Variants in NBAS observed in about 807,000 individuals in gnomAD.
NBAS encodes the protein NAG/BC035112 fusion.
Under a neutral mutation model 302.5 loss-of-function variants are expected in NBAS, and 219 were observed. The observed-to-expected ratio is 0.72, with a 90% CI of 0.65 to 0.81. The LOEUF (loss-of-function observed/expected upper bound fraction) is 0.81, where lower values mean the gene tolerates loss of function less well. Among genes scored for constraint, NBAS ranks in the 30% least tolerant of loss-of-function variants. NBAS has a pLI of 0.00. For missense variants in NBAS, 2,932 were observed against 2,841.6 expected (o/e 1.03, Z -0.72); for synonymous variants, 1,118 against 1,021.6 (o/e 1.09, Z -1.80).
chr2:15,113,513 C>T, the NBAS span, among the ~76,000 whole-genome samples: 22 of 151,930 alleles, frequency 1.4e-4, no homozygotes, highest in Middle Eastern at 3.2e-3. Context: ...AATTCTGGTA[C>T]GAGAGAGAAT....
chr2:14,824,523 T>C, the NBAS span, among the ~76,000 whole-genome samples: 2 of 152,144 alleles, frequency 1.3e-5, no homozygotes, highest in African/African-American at 2.4e-5. Flanking sequence ...ATCTACACTT[T>C]TGTTATTCAG....
intron 44 of NBAS, among the ~76,000 whole-genome samples, chr2:15,253,253 G>A (rs1055997424): frequency 2.0e-5 from 3 of 152,120 alleles, no homozygotes; most frequent in African/African-American, 7.2e-5. Flanking sequence ...TAGTATATTT[G>A]GGAAAGGAGG....
At chr2:15,372,827 C>T (rs1400239978) in intron 31 of NBAS, among the ~76,000 whole-genome samples, 3 of 152,176 alleles carry the variant, frequency 2.0e-5, no homozygotes, top group African/African-American at 7.2e-5. Flanking sequence ...AGCAAAAAAT[C>T]CTGCTAATTG....
At chr2:15,055,570 A>G in the NBAS span, among the ~76,000 whole-genome samples, 2 of 152,174 alleles carry the variant, frequency 1.3e-5, no homozygotes, top group Non-Finnish European at 2.9e-5. Context: ...TGGTGAGGAA[A>G]GCATCCACAC....
the NBAS span, among the ~76,000 whole-genome samples, chr2:15,106,104 C>T: frequency 6.6e-6 from 1 of 152,070 alleles, no homozygotes; most frequent in African/African-American, 2.4e-5. Context: ...GCCCAATGCA[C>T]AAAATATTAA....
chr2:14,951,905 C>A, the NBAS span, among the ~76,000 whole-genome samples: 1 of 152,164 alleles, frequency 6.6e-6, no homozygotes, highest in Non-Finnish European at 1.5e-5. Context: ...TTCTACAACC[C>A]GGCTGTCTTC....
the NBAS span, among the ~76,000 whole-genome samples, chr2:15,145,820 TG>T: frequency 5.3e-4 from 81 of 152,138 alleles, 1 homozygote; most frequent in African/African-American, 1.9e-3. Context: ...AATTCTGGGG[TG>T]GGGGGCCCAG....
At chr2:14,990,201 T>G in the NBAS span, among the ~76,000 whole-genome samples, 1 of 149,222 alleles carries the variant, frequency 6.7e-6, no homozygotes, top group South Asian at 2.1e-4. Flanking sequence ...ACACCTGAGG[T>G]CAGGAGTTTG....
chr2:15,278,816 T>G (rs1043895602), intron 42 of NBAS, among the ~76,000 whole-genome samples: 1 of 152,138 alleles, frequency 6.6e-6, no homozygotes, highest in Non-Finnish European at 1.5e-5. Flanking sequence ...CTGCAGAAGA[T>G]GTAGAAATCA....
chr2:15,454,192 T>C (rs1041008192), intron 21 of NBAS, among the ~76,000 whole-genome samples: 1 of 152,202 alleles, frequency 6.6e-6, no homozygotes, highest in Non-Finnish European at 1.5e-5. Flanking sequence ...ATACTAACTA[T>C]AATTCAGTAT....
chr2:15,235,027 G>C (rs1162435002), intron 45 of NBAS, among the ~76,000 whole-genome samples: 1 of 152,172 alleles, frequency 6.6e-6, no homozygotes, highest in Non-Finnish European at 1.5e-5. Context: ...CGTGTGAATA[G>C]AGGGTGTTGT....
At chr2:15,470,398 T>G (rs1679907147) in intron 16 of NBAS, among the ~76,000 whole-genome samples, 1 of 152,220 alleles carries the variant, frequency 6.6e-6, no homozygotes, top group Non-Finnish European at 1.5e-5. Flanking sequence ...TTCCCAGTGT[T>G]CACTATTGTC....
chr2:15,440,234 A>T (rs545192415), intron 21 of NBAS, among the ~76,000 whole-genome samples: 1 of 152,324 alleles, frequency 6.6e-6, no homozygotes, highest in South Asian at 2.1e-4. Flanking sequence ...CTGACCCCCG[A>T]GCAGCCTAAC....
the NBAS span, among the ~76,000 whole-genome samples, chr2:15,025,647 G>A: frequency 1.3e-5 from 2 of 151,912 alleles, no homozygotes; most frequent in South Asian, 2.1e-4. Flanking sequence ...CTTGAGCAGT[G>A]GTTTGTAATT....
At chr2:15,361,355 A>T (rs1673914692) in intron 32 of NBAS, among the ~76,000 whole-genome samples, 1 of 152,072 alleles carries the variant, frequency 6.6e-6, no homozygotes, top group South Asian at 2.1e-4. Context: ...TCTACTAAAA[A>T]TACAAAAATT....
intron 29 of NBAS, among the ~76,000 whole-genome samples, chr2:15,380,544 TAACA>T (rs1674983149): frequency 2.7e-5 from 4 of 149,294 alleles, no homozygotes; most frequent in South Asian, 2.1e-4. Context: ...AGTTTTTTAA[TAACA>T]TACATATTAA....
intron 35 of NBAS, 24 bp from the exon 36 acceptor site, chr2:15,330,789 A>G: frequency 6.2e-7 from 1 of 1,612,304 alleles, no homozygotes; most frequent in Non-Finnish European, 8.5e-7. Flanking sequence ...ACAAAATAGC[A>G]AGGGCAAAAA....
intron 9 of NBAS, among the ~76,000 whole-genome samples, chr2:15,511,871 C>T (rs1662159743): frequency 1.3e-5 from 2 of 152,180 alleles, no homozygotes; most frequent in Admixed American, 6.5e-5. Context: ...CTGTTTGTTA[C>T]ACTCCATTCA....
rs1174449255 is a variant in NBAS, at chr2:15,308,246, ACAT to A, written c.4764_4766del (p.Cys1589del). On this transcript the variant is annotated inframe_deletion, in exon 40 of 52. Transcript: ENST00000281513. ...AAAGAGGATGGCACTTGTCCCTGAA[ACAT>A]GGGGCCAATCGGGCATAGATCTGGA... 6.2e-7 allele frequency: 1 copy of A among 1,614,102 alleles called. No individual in the cohort carries two copies. The highest frequency in any genetic ancestry group is 1.3e-5 in the African/African-American group (1 of 74,938).
Sources: allele counts gnomAD v4.1 joint callset (sites outside exome capture counted in the v4.1 genomes callset), GRCh38; gene constraint gnomAD v4.1.1; transcripts MANE v1.5; gene names NCBI Gene and HGNC (gene_info 2026-07-23, HGNC 2026-07-21).